CTBP2: variants seen among roughly 807,000 people sequenced by gnomAD.
CTBP2 encodes the protein C-terminal binding protein 2.
A neutral mutation model predicts 80.3 loss-of-function variants in CTBP2; 30 were observed. The ratio of observed to expected loss-of-function variants is 0.37; its 90% confidence interval spans 0.28 to 0.51. The LOEUF is 0.51. CTBP2 is among the 20% of genes least tolerant of loss of function. The pLI is 0.93. For missense variants in CTBP2, 1,212 were observed against 1,375.3 expected, an observed-to-expected ratio of 0.88 and a Z score of 1.88; for synonymous variants, 594 against 587.4, an observed-to-expected ratio of 1.01 and a Z score of -0.16.
At chr10:125,045,551 G>A (rs984705724) in intron 2 of CTBP2, among the ~76,000 whole-genome samples, 22 of 151,904 alleles carry the variant, frequency 1.4e-4, no homozygotes, top group African/African-American at 5.3e-4. Flanking sequence ...TTCTCACTTT[G>A]TTGCCCAGGG....
At chr10:125,096,952 G>GT (rs1387755853) in intron 2 of CTBP2, among the ~76,000 whole-genome samples, 1 of 152,174 alleles carries the variant, frequency 6.6e-6, no homozygotes, top group African/African-American at 2.4e-5. Context: ...ATTTTAGAGT[G>GT]TATCTGTAAT....
chr10:125,125,544 G>A (rs1273662231), intron 1 of CTBP2, among the ~76,000 whole-genome samples: 2 of 152,172 alleles, frequency 1.3e-5, no homozygotes, highest in Non-Finnish European at 2.9e-5. Context: ...GTCAATTGAA[G>A]CTTGCCTTCT....
At chr10:125,099,512 GA>G in intron 2 of CTBP2, among the ~76,000 whole-genome samples, 1 of 152,256 alleles carries the variant, frequency 6.6e-6, no homozygotes, top group East Asian at 1.9e-4. Flanking sequence ...CCCCCATCCT[GA>G]ACTCCAACTG....
Position 124,985,984 on chromosome 10 carries a change from A to C in CTBP2, c.*3534T>G, listed in dbSNP as rs374317365. ...TGGGAATACCAATTCACTACAGAAT[A>C]AAGATTTTAAAAATGCAATAAGGTG... On this transcript the variant is annotated 3_prime_UTR_variant, in exon 9 of 9. Transcript: ENST00000309035. 3.9e-5 allele frequency: 6 copies of C among 152,338 alleles called. No homozygotes were observed. The highest frequency in any genetic ancestry group is 1.4e-4 in the African/African-American group (6 of 41,476). 9.4% of individuals were successfully genotyped at this position (152,338 alleles called of 1,614,324 possible).
chr10:124,985,956 GA>G lies in CTBP2; in HGVS notation c.*3561del, dbSNP rs371743542. The G allele has an allele frequency of 1.7e-4, 26 of 152,372 alleles. No homozygotes were observed. Among genetic ancestry groups the G allele is most frequent in the African/African-American group, 6.3e-4 (26 of 41,590 alleles). 9.4% of individuals were successfully genotyped at this position (152,372 alleles called of 1,614,324 possible). ...AGAAGGGCATGCCTTTGCTTAGGCA[GA>G]TTGGGAATACCAATTCACTACAGAA... On this transcript the variant is annotated 3_prime_UTR_variant, in exon 9 of 9. Coordinates refer to ENST00000309035, the MANE Select transcript of CTBP2 (RefSeq NM_022802.3).
Position 124,998,109 on chromosome 10 carries a change from G to A in CTBP2, c.2040C>T (p.Cys680=), listed in dbSNP as rs1565034807. The change falls in exon 4 of 9, where the codon TGC becomes TGT. Residue 680 remains cysteine (C), a synonymous_variant. Coordinates refer to ENST00000309035, the MANE Select transcript of CTBP2 (RefSeq NM_022802.3). ...TCCTCCGGTACAGGTTGAGGATGTGGCAGATGGTAGAGTCCGCTGTCTCTT... is the reference window on the plus strand; with the variant it reads ...TCCTCCGGTACAGGTTGAGGATGTGACAGATGGTAGAGTCCGCTGTCTCTT... 2.5e-6 allele frequency: 4 copies of A among 1,612,460 alleles called. No homozygotes were observed. Among genetic ancestry groups the A allele is most frequent in the East Asian group, 2.2e-5 (1 of 44,846 alleles).
intron 1 of CTBP2, among the ~76,000 whole-genome samples, chr10:125,020,485 C>T (rs149478368): frequency 0.01 from 1,549 of 152,312 alleles, 16 homozygotes; most frequent in Non-Finnish European, 0.012. Flanking sequence ...TCAGTCAACG[C>T]GGGCCTTGTG....
At chr10:125,151,149 G>C (rs1859780242) in intron 1 of CTBP2, among the ~76,000 whole-genome samples, 1 of 152,134 alleles carries the variant, frequency 6.6e-6, no homozygotes. Flanking sequence ...TTGAATGGCT[G>C]CATAAGTTTC....
At chr10:125,074,840 T>C (rs1205820259) in intron 2 of CTBP2, among the ~76,000 whole-genome samples, 1 of 152,186 alleles carries the variant, frequency 6.6e-6, no homozygotes, top group Admixed American at 6.5e-5. Context: ...GCTACAGGTT[T>C]AACCTGGCAG....
At position 124,985,080 on chromosome 10, in the gene CTBP2, T is replaced by C. The variant is rs2134008466; in HGVS notation, c.*4438A>G. 5 of 1,058,926 alleles carry C rather than the reference T, an allele frequency of 4.7e-6. No individual in the cohort carries two copies. Among genetic ancestry groups the C allele is most frequent in the Non-Finnish European group, 6.9e-6 (5 of 721,850 alleles). 65.6% of individuals were successfully genotyped at this position (1,058,926 alleles called of 1,614,324 possible). ...GGTGCTCCAAGCAGAGTCGACATCATGGAATGAACCAAATCTGGCAGGATC... is the reference window on the plus strand; with the variant it reads ...GGTGCTCCAAGCAGAGTCGACATCACGGAATGAACCAAATCTGGCAGGATC... On this transcript the variant is annotated 3_prime_UTR_variant, in exon 9 of 9. Coordinates refer to ENST00000309035, the MANE Select transcript of CTBP2 (RefSeq NM_022802.3).
intron 2 of CTBP2, among the ~76,000 whole-genome samples, chr10:125,099,802 C>G (rs1338108635): frequency 6.6e-6 from 1 of 152,186 alleles, no homozygotes; most frequent in East Asian, 1.9e-4. Context: ...CTGGTCCAGG[C>G]TAGGACGGAG....
chr10:125,046,722 T>C (rs1033654335), intron 2 of CTBP2, among the ~76,000 whole-genome samples: 1 of 152,132 alleles, frequency 6.6e-6, no homozygotes, highest in African/African-American at 2.4e-5. Flanking sequence ...AGCAAGTCTC[T>C]GAGCACATGG....
chr10:125,053,882 G>A (rs552965954), intron 2 of CTBP2, among the ~76,000 whole-genome samples: 19 of 152,256 alleles, frequency 1.2e-4, no homozygotes, highest in Middle Eastern at 6.8e-3. Context: ...CCAGGGACCC[G>A]GCAGAGGATC....
At chr10:125,013,345 G>C (rs1026004252) in intron 1 of CTBP2, among the ~76,000 whole-genome samples, 5 of 152,218 alleles carry the variant, frequency 3.3e-5, no homozygotes, top group African/African-American at 1.2e-4. Flanking sequence ...GACTTTCCCA[G>C]GATGTGCCTG....
chr10:124,991,256 C>T (rs1349430517), intron 8 of CTBP2, among the ~76,000 whole-genome samples: 3 of 152,214 alleles, frequency 2.0e-5, no homozygotes, highest in Non-Finnish European at 2.9e-5. Context: ...AGCCACCCCA[C>T]CCCCAGCTCC....
chr10:125,096,062 C>T (rs1285943056), intron 2 of CTBP2, among the ~76,000 whole-genome samples: 2 of 152,190 alleles, frequency 1.3e-5, no homozygotes, highest in African/African-American at 4.8e-5. Context: ...TCCTTTCCCT[C>T]CACTCCTTAA....
chr10:125,087,717 G>T (rs1267804382), intron 2 of CTBP2, among the ~76,000 whole-genome samples: 1 of 152,214 alleles, frequency 6.6e-6, no homozygotes, highest in Non-Finnish European at 1.5e-5. Context: ...TCTCTGGGAT[G>T]CTTCAACGCC....
At chr10:124,996,613 A>C (rs77505998) in intron 4 of CTBP2, 1 of 152,422 alleles carries the variant, frequency 6.6e-6, no homozygotes, top group African/African-American at 2.4e-5. Context: ...CGACCCCAGG[A>C]AGAAGTCCCG....
intron 2 of CTBP2, among the ~76,000 whole-genome samples, chr10:125,081,140 A>G (rs964228649): frequency 9.8e-5 from 15 of 152,298 alleles, no homozygotes; most frequent in African/African-American, 3.4e-4. Context: ...CCCAACTCCA[A>G]TCAGGAAAAA....
Sources: gnomAD v4.1 joint callset for allele counts (sites outside exome capture counted in the v4.1 genomes callset) on GRCh38, gnomAD v4.1.1 for gene constraint, MANE v1.5 for transcripts, NCBI Gene and HGNC (gene_info 2026-07-23, HGNC 2026-07-21) for gene names.